PKD1L1: variants seen among roughly 807,000 people sequenced by gnomAD.
The protein encoded by PKD1L1 is polycystin 1 like 1, transient receptor potential channel interacting.
In PKD1L1, 236 loss-of-function variants were observed where a neutral mutation model predicts 323.4. That is an observed-to-expected ratio of 0.73 (90% CI 0.66 to 0.81). The LOEUF is 0.81. PKD1L1 is among the 40% of genes least tolerant of loss of function. The pLI, the probability that PKD1L1 is intolerant of heterozygous loss-of-function variation, is 0.00. For synonymous variants in PKD1L1, 1,344 were observed against 1,335.0 expected (o/e 1.01, Z -0.15); for missense variants, 3,320 against 3,508.0 (o/e 0.95, Z 1.35).
intron 54 of PKD1L1, among the ~76,000 whole-genome samples, chr7:47,796,773 G>T (rs1305047385): frequency 1.3e-5 from 2 of 151,342 alleles, no homozygotes; most frequent in Non-Finnish European, 2.9e-5. Context: ...GGATCATGAG[G>T]TCAGGAGATT....
At chr7:47,817,234 C>T (rs1371839609) in intron 46 of PKD1L1, among the ~76,000 whole-genome samples, 1 of 151,910 alleles carries the variant, frequency 6.6e-6, no homozygotes, top group Non-Finnish European at 1.5e-5. Flanking sequence ...TCATCTAAAA[C>T]AAACAAACAA....
At chr7:47,943,148 A>AC (rs1788024643) in intron 2 of PKD1L1, among the ~76,000 whole-genome samples, 2 of 74,726 alleles carry the variant, frequency 2.7e-5, no homozygotes, top group African/African-American at 5.1e-5. Context: ...TCCGTCTCAA[A>AC]AAAAAAAAAA....
intron 56 of PKD1L1, among the ~76,000 whole-genome samples, chr7:47,778,506 T>C (rs1266822568): frequency 1.3e-5 from 2 of 152,160 alleles, no homozygotes; most frequent in African/African-American, 4.8e-5. Context: ...CAAGGAGGTA[T>C]TATAGCCCTC....
At chr7:47,937,626 C>T (rs1787897227) in intron 3 of PKD1L1, among the ~76,000 whole-genome samples, 1 of 152,136 alleles carries the variant, frequency 6.6e-6, no homozygotes, top group Admixed American at 6.5e-5. Context: ...AGGGGATCCA[C>T]TCAGAGGGCT....
chr7:47,777,431 C>T (rs547703073), intron 56 of PKD1L1, among the ~76,000 whole-genome samples: 1 of 152,284 alleles, frequency 6.6e-6, no homozygotes, highest in South Asian at 2.1e-4. Context: ...AGGGTGTCCT[C>T]CATCCTGAGG....
chr7:47,844,782 C>T (rs544496855), intron 33 of PKD1L1, among the ~76,000 whole-genome samples: 2 of 152,298 alleles, frequency 1.3e-5, no homozygotes, highest in South Asian at 2.1e-4. Context: ...AATCTCTCAT[C>T]AGTGAATTCA....
chr7:47,946,417 T>C lies in PKD1L1; in HGVS notation c.44+1980A>G, dbSNP rs1298841967. On this transcript the variant is annotated intron_variant, in intron 1 of 56. Transcript: ENST00000289672. This position sits in a 1 kb window ranked among gnomAD's most constrained non-coding sequence, Gnocchi z 4.1. ...CACCACACAAACACACCACACAGCATCACACACAATATACACACACCACAC... is the reference window on the plus strand; with the variant it reads ...CACCACACAAACACACCACACAGCACCACACACAATATACACACACCACAC... 7.3e-6 allele frequency among the ~76,000 whole-genome samples: 1 copy of C among 137,444 alleles called. No homozygotes were observed. The highest frequency in any genetic ancestry group is 1.6e-5 in the Non-Finnish European group (1 of 63,112). 90.2% of individuals were successfully genotyped at this position (137,444 alleles called of 152,430 possible). A position where few individuals can be genotyped will look rare whatever the true frequency, so the allele number is the denominator to read the frequency against.
At chr7:47,883,647 A>T (rs978247141) in intron 19 of PKD1L1, among the ~76,000 whole-genome samples, 1 of 152,156 alleles carries the variant, frequency 6.6e-6, no homozygotes, top group African/African-American at 2.4e-5. Flanking sequence ...ATCCAAGAAG[A>T]GCACGACACA....
intron 52 of PKD1L1, among the ~76,000 whole-genome samples, chr7:47,806,095 G>A (rs1784771580): frequency 6.6e-6 from 1 of 152,160 alleles, no homozygotes; most frequent in African/African-American, 2.4e-5. Flanking sequence ...AGGGATATAA[G>A]GATGAACTCA....
intron 4 of PKD1L1, among the ~76,000 whole-genome samples, chr7:47,933,861 G>A (rs932883071): frequency 5.3e-5 from 8 of 152,144 alleles, no homozygotes; most frequent in Admixed American, 1.3e-4. Flanking sequence ...CCAAATGGCC[G>A]TCTTAACTGC....
At chr7:47,819,625 C>T (rs1326145516) in intron 46 of PKD1L1, 1 of 1,241,588 alleles carries the variant, frequency 8.1e-7, no homozygotes, top group Non-Finnish European at 1.1e-6. Flanking sequence ...CTTAATTTCA[C>T]TATTACAATG....
At chr7:47,863,900 T>C (rs1194576486) in intron 26 of PKD1L1, among the ~76,000 whole-genome samples, 1 of 152,086 alleles carries the variant, frequency 6.6e-6, no homozygotes, top group African/African-American at 2.4e-5. Flanking sequence ...GTATAGCCCA[T>C]AACAGGCTCA....
intron 46 of PKD1L1, chr7:47,819,431 C>A: frequency 2.5e-6 from 2 of 787,836 alleles, no homozygotes; most frequent in South Asian, 1.8e-5. Context: ...AATAAACTAG[C>A]AAAAGCCAGA....
chr7:47,796,758 C>T (rs941036689), intron 54 of PKD1L1, among the ~76,000 whole-genome samples: 16 of 150,316 alleles, frequency 1.1e-4, no homozygotes, highest in African/African-American at 2.5e-4. Flanking sequence ...GAGGCCAAGG[C>T]AGGCGGATCA....
At chr7:47,830,846 T>C (rs1213685988) in intron 42 of PKD1L1, among the ~76,000 whole-genome samples, 4 of 152,192 alleles carry the variant, frequency 2.6e-5, no homozygotes, top group Non-Finnish European at 5.9e-5. Context: ...AGGCATACGC[T>C]TTTTCAAATG....
chr7:47,932,162 A>G (rs2128756042), intron 4 of PKD1L1, 106 bp from the exon 5 acceptor site: 1 of 1,476,000 alleles, frequency 6.8e-7, no homozygotes, highest in East Asian at 2.3e-5. Context: ...GCTTTGCTGG[A>G]AATTCCCTTG....
At chr7:47,881,112 T>C (rs2128746762) in intron 20 of PKD1L1, among the ~76,000 whole-genome samples, 1 of 152,246 alleles carries the variant, frequency 6.6e-6, no homozygotes, top group South Asian at 2.1e-4. Context: ...TATGTTCATG[T>C]TTAATTTGGC....
At position 47,829,589 on chromosome 7, in the gene PKD1L1, C is replaced by A; in HGVS notation, c.6571G>T (p.Ala2191Ser). The change falls in exon 44 of 57, where the codon GCC becomes TCC. Residue 2191 changes from alanine to serine, a missense_variant. Transcript: ENST00000289672. ...ITQPLMVCLM[A>S]LGFAWKRRAD... Reference sequence around the variant, plus strand: ...CTTCTTTTCCAAGCAAAACCCAAGGCCATGAGGCATACCTGGAAGGAAAAA... The same window carrying A: ...CTTCTTTTCCAAGCAAAACCCAAGGACATGAGGCATACCTGGAAGGAAAAA... 2 of 1,610,624 alleles carry A rather than the reference C, an allele frequency of 1.2e-6. No individual in the cohort carries two copies. The highest frequency in any genetic ancestry group is 1.7e-6 in the Non-Finnish European group (2 of 1,178,678).
chr7:47,912,815 CAAA>C (rs59792729), intron 8 of PKD1L1, among the ~76,000 whole-genome samples: 37 of 63,636 alleles, frequency 5.8e-4, no homozygotes, highest in African/African-American at 2.3e-3. Flanking sequence ...GACTGTGTCT[CAAA>C]AAAAAAAAAA....
Sources: allele counts gnomAD v4.1 joint callset (sites outside exome capture counted in the v4.1 genomes callset), GRCh38; gene constraint gnomAD v4.1.1; non-coding constraint Gnocchi (gnomAD v3.1); transcripts MANE v1.5; gene names NCBI Gene and HGNC (gene_info 2026-07-23, HGNC 2026-07-21).